The following RIMS2 variants were observed in gnomAD, a reference collection of about 807,000 sequenced individuals.
RIMS2 encodes regulating synaptic membrane exocytosis protein 2.
In RIMS2, 59 loss-of-function variants were observed where a neutral mutation model predicts 174.4. That is an observed-to-expected ratio of 0.34 (90% CI 0.27 to 0.42). RIMS2 has a LOEUF of 0.42. Among genes scored for constraint, RIMS2 ranks in the 10% least tolerant of loss-of-function variants. The pLI, the probability that RIMS2 is intolerant of heterozygous loss-of-function variation, is 1.00. For missense variants in RIMS2, 1,620 were observed against 1,666.3 expected (o/e 0.97, Z 0.48); for synonymous variants, 606 against 572.5 (o/e 1.06, Z -0.84).
At chr8:103,868,294 G>A (rs772808410) in intron 3 of RIMS2, among the ~76,000 whole-genome samples, 1 of 151,956 alleles carries the variant, frequency 6.6e-6, no homozygotes, top group Non-Finnish European at 1.5e-5. Flanking sequence ...AATCATCTTA[G>A]TTTTCCTTGA....
rs201019003 is a variant in RIMS2, at chr8:103,587,409, GAAGAAAGAAAGAAAGAAAGA to G, written c.176+86390_176+86409del. On this transcript the variant is annotated intron_variant, in intron 1 of 23. Transcript: ENST00000504942. ...CCAAAGACACATCAGGAAGAAAAAAGAAGAAAGAAAGAAAGAAAGAAAGAAAGAAAGAAAGAAAGAAAGAA... is the reference window on the plus strand; with the variant it reads ...CCAAAGACACATCAGGAAGAAAAAAGAAGAAAGAAAGAAAGAAAGAAAGAA... Among the ~76,000 whole-genome samples the G allele has an allele frequency of 4.9e-3, 571 of 117,146 alleles. 5 individuals carry two copies. Among genetic ancestry groups the G allele is most frequent in the South Asian group, 0.01 (36 of 3,522 alleles). The allele number at this position is 117,146 out of a possible 152,430, so 76.9% of individuals were successfully genotyped here. A position where few individuals can be genotyped will look rare whatever the true frequency, so the allele number is the denominator to read the frequency against.
intron 19 of RIMS2, among the ~76,000 whole-genome samples, chr8:104,062,047 C>A (rs1371338401): frequency 6.6e-6 from 1 of 151,754 alleles, no homozygotes; most frequent in Admixed American, 6.6e-5. Flanking sequence ...ATATACAATG[C>A]CAATAAGTTA....
intron 1 of RIMS2, among the ~76,000 whole-genome samples, chr8:103,611,572 C>T (rs958364944): frequency 4.0e-5 from 6 of 150,336 alleles, no homozygotes; most frequent in East Asian, 1.9e-4. Context: ...TTAGGGTAAA[C>T]GTTTTTTCCT....
intron 3 of RIMS2, among the ~76,000 whole-genome samples, chr8:103,884,291 A>C (rs1345065771): frequency 6.6e-6 from 1 of 151,828 alleles, no homozygotes; most frequent in African/African-American, 2.4e-5. Context: ...ACTTCAGCTG[A>C]CTTCACTCTT....
intron 1 of RIMS2, among the ~76,000 whole-genome samples, chr8:103,609,310 T>A (rs1440640037): frequency 6.6e-6 from 1 of 152,258 alleles, no homozygotes; most frequent in Non-Finnish European, 1.5e-5. Flanking sequence ...GTAGGTTGTC[T>A]GTTCACTTTG....
At chr8:103,831,098 C>A (rs2098823126) in intron 3 of RIMS2, among the ~76,000 whole-genome samples, 1 of 152,152 alleles carries the variant, frequency 6.6e-6, no homozygotes, top group Non-Finnish European at 1.5e-5. Context: ...CATCAGCCAT[C>A]GTGCCTGGAT....
At chr8:103,609,463 A>G (rs912454400) in intron 1 of RIMS2, among the ~76,000 whole-genome samples, 4 of 129,386 alleles carry the variant, frequency 3.1e-5, no homozygotes, top group Non-Finnish European at 6.9e-5. Context: ...TTCCTAGACT[A>G]TCTTCCAGAG....
intron 3 of RIMS2, among the ~76,000 whole-genome samples, chr8:103,851,478 A>G (rs753795887): frequency 2.0e-5 from 3 of 151,902 alleles, no homozygotes; most frequent in African/African-American, 4.8e-5. Context: ...TATATTCTAT[A>G]TAGTTAGAAC....
At chr8:103,737,568 A>C (rs957651402) in intron 2 of RIMS2, among the ~76,000 whole-genome samples, 1 of 152,106 alleles carries the variant, frequency 6.6e-6, no homozygotes, top group African/African-American at 2.4e-5. Flanking sequence ...TTCAAAATGC[A>C]ATCAGATTGT....
intron 1 of RIMS2, among the ~76,000 whole-genome samples, chr8:103,639,378 A>G (rs768333545): frequency 3.9e-5 from 6 of 151,928 alleles, no homozygotes; most frequent in Non-Finnish European, 7.4e-5. Flanking sequence ...TTTGACAAAC[A>G]TGTAATTATC....
intron 18 of RIMS2, among the ~76,000 whole-genome samples, 158 bp downstream of exon 20, chr8:104,013,779 G>T (rs895802197): frequency 8.5e-5 from 13 of 152,164 alleles, no homozygotes; most frequent in African/African-American, 3.1e-4. Flanking sequence ...TATATTCACT[G>T]GATATAATAG....
intron 2 of RIMS2, among the ~76,000 whole-genome samples, chr8:103,746,596 G>A (rs1022976527): frequency 5.3e-5 from 8 of 151,880 alleles, no homozygotes; most frequent in African/African-American, 1.2e-4. Flanking sequence ...GATCCTCTCC[G>A]TCTTCCCACC....
chr8:103,606,421 G>C (rs1293550089), intron 1 of RIMS2, among the ~76,000 whole-genome samples: 2 of 151,816 alleles, frequency 1.3e-5, no homozygotes, highest in East Asian at 3.9e-4. Flanking sequence ...TTACTTCCAA[G>C]TATGTGGTCA....
chr8:103,858,481 C>A (rs2099039939), intron 3 of RIMS2, among the ~76,000 whole-genome samples: 1 of 151,822 alleles, frequency 6.6e-6, no homozygotes, highest in African/African-American at 2.4e-5. Flanking sequence ...AGGACCTTAG[C>A]AAAGAGATTG....
intron 1 of RIMS2, among the ~76,000 whole-genome samples, chr8:103,580,164 T>A (rs148305978): frequency 1.2e-3 from 177 of 152,042 alleles, no homozygotes; most frequent in African/African-American, 3.8e-3. Context: ...CAAGCAACAA[T>A]TGGCAGTAGT....
chr8:104,158,420 G>A (rs2098739022), intron 19 of RIMS2, among the ~76,000 whole-genome samples: 1 of 152,098 alleles, frequency 6.6e-6, no homozygotes, highest in Non-Finnish European at 1.5e-5. Context: ...CCCAGTAATG[G>A]GATTGCTGGG....
At chr8:104,220,087 C>T (rs544994137) in intron 19 of RIMS2, among the ~76,000 whole-genome samples, 1 of 151,870 alleles carries the variant, frequency 6.6e-6, no homozygotes, top group South Asian at 2.1e-4. Flanking sequence ...CAGTATATTC[C>T]ACAAGTTGTC....
At chr8:103,514,331 A>C (rs948945769) in intron 1 of RIMS2, among the ~76,000 whole-genome samples, 5 of 152,202 alleles carry the variant, frequency 3.3e-5, no homozygotes, top group South Asian at 2.1e-4. Context: ...TTTTGGCTGA[A>C]TAGTTAATTT....
At chr8:104,040,342 A>G (rs1490511290) in intron 19 of RIMS2, among the ~76,000 whole-genome samples, 1 of 151,636 alleles carries the variant, frequency 6.6e-6, no homozygotes, top group Non-Finnish European at 1.5e-5. Context: ...GTTTTGTGGC[A>G]TATTGTTCAT....
Sources: gnomAD v4.1 joint callset for allele counts (sites outside exome capture counted in the v4.1 genomes callset) on GRCh38, gnomAD v4.1.1 for gene constraint, MANE v1.5 for transcripts, NCBI Gene and HGNC (gene_info 2026-07-23, HGNC 2026-07-21) for gene names.